AXIN1: variants seen among roughly 807,000 people sequenced by gnomAD.
The protein encoded by AXIN1 is axin-1.
AXIN1 carries 30 observed loss-of-function variants against 76.4 expected under a neutral mutation model. The ratio of observed to expected loss-of-function variants is 0.39; its 90% confidence interval spans 0.29 to 0.53. The LOEUF (loss-of-function observed/expected upper bound fraction) is 0.53. AXIN1 is among the 20% of genes least tolerant of loss of function. The pLI is 0.66. For synonymous variants in AXIN1, 545 were observed against 501.4 expected, an observed-to-expected ratio of 1.09 and a Z score of -1.16; for missense variants, 1,140 against 1,198.8, an observed-to-expected ratio of 0.95 and a Z score of 0.72.
chr16:307,326 G>A lies in AXIN1; in HGVS notation c.1116+2647C>T, dbSNP rs561160116. ...TTCTGAGAACAGCAAAACTGTCAGA[G>A]TCATCAGATTTACAGAGAATGGCAA... On this transcript the variant is annotated intron_variant, in intron 4 of 10. Coordinates refer to ENST00000262320, the MANE Select transcript of AXIN1 (RefSeq NM_003502.4). 2.0e-4 allele frequency among the ~76,000 whole-genome samples: 31 copies of A among 152,330 alleles called. 1 individual carries two copies. The South Asian group carries it at 6.4e-3, about 32-fold the overall frequency.
At chr16:335,177 A>G (rs541435274) in intron 2 of AXIN1, among the ~76,000 whole-genome samples, 3 of 152,288 alleles carry the variant, frequency 2.0e-5, no homozygotes, top group Non-Finnish European at 2.9e-5. Context: ...TATCTCCAAC[A>G]TAACTCCACA....
intron 7 of AXIN1, among the ~76,000 whole-genome samples, 200 bp downstream of exon 7, chr16:296,856 C>A (rs1226321841): frequency 1.3e-5 from 2 of 152,110 alleles, no homozygotes; most frequent in Non-Finnish European, 2.9e-5. Flanking sequence ...TCTCTGGGGA[C>A]ATGAGGTTTT....
chr16:298,372 G>A, intron 5 of AXIN1, 121 bp from the exon 6 acceptor site: 4 of 1,321,270 alleles, frequency 3.0e-6, no homozygotes, highest in East Asian at 2.5e-5. Context: ...GGGTGGCCGG[G>A]GGCCCCTCGC....
intron 3 of AXIN1, among the ~76,000 whole-genome samples, chr16:311,922 A>G (rs564877024): frequency 6.6e-6 from 1 of 152,314 alleles, no homozygotes; most frequent in East Asian, 1.9e-4. Flanking sequence ...CAGACACGGC[A>G]ACTCCTGAGG....
chr16:346,862 T>A lies in AXIN1; in HGVS notation c.164A>T (p.Glu55Val), dbSNP rs2141708094. Reference protein sequence around the residue: ...CSGKGVGIKGETSTATPRRSD... With the variant: ...CSGKGVGIKGVTSTATPRRSD... ...GCGCCTCGGAGTGGCCGTCGAAGTCTCACCTTTAATGCCAACACCTTTCCC... is the reference window on the plus strand; with the variant it reads ...GCGCCTCGGAGTGGCCGTCGAAGTCACACCTTTAATGCCAACACCTTTCCC... Residue 55 changes from glutamate (E) to valine (V), a missense_variant, in exon 2 of 11, where the codon GAG (glutamate) becomes GTG (valine). Transcript: ENST00000262320. The A allele has an allele frequency of 6.2e-7, 1 of 1,613,580 alleles. No individual in the cohort carries two copies. The highest frequency in any genetic ancestry group is 1.3e-5 in the African/African-American group (1 of 75,050).
At position 347,713 on chromosome 16, in the gene AXIN1, T is replaced by G. The variant is rs143998371; in HGVS notation, c.-81-607A>C. ...CGACACATGAGAACACACTGCAGGG[T>G]GTTCCTCCGACTCTCAACACACGCC... On this transcript the variant is annotated intron_variant, in intron 1 of 10. Coordinates refer to ENST00000262320, the MANE Select transcript of AXIN1 (RefSeq NM_003502.4). 3.6e-4 allele frequency among the ~76,000 whole-genome samples: 55 copies of G among 152,222 alleles called. No individual in the cohort carries two copies. The East Asian group carries it at 0.01, about 29-fold the overall frequency.
Position 352,369 on chromosome 16 carries a change from C to G in AXIN1, c.-82G>C. ...CGCCCCGGAGCCCGGCCCTACTCAC[C>G]CGCGCGCGGTGGTGGCGGGACCCCG... On this transcript the variant is annotated splice_region_variant and 5_prime_UTR_variant, in exon 1 of 11. Coordinates refer to ENST00000262320, the MANE Select transcript of AXIN1 (RefSeq NM_003502.4). The G allele has an allele frequency of 1.0e-6, 1 of 980,396 alleles. No individual in the cohort carries two copies. The allele number at this position is 980,396 out of a possible 1,614,324, so 60.7% of individuals were successfully genotyped here.
chr16:309,481 A>T (rs11859972), intron 4 of AXIN1, among the ~76,000 whole-genome samples: 7 of 152,226 alleles, frequency 4.6e-5, no homozygotes, highest in Admixed American at 4.6e-4. Context: ...CCAAGCCCCC[A>T]TGCCCGAGAC....
chr16:336,423 G>A (rs12445857), intron 2 of AXIN1, among the ~76,000 whole-genome samples: 10,153 of 152,268 alleles, frequency 0.067, 452 homozygotes, highest in Non-Finnish European at 0.1. Flanking sequence ...CAATTAATAT[G>A]TGTCAGCCCT....
chr16:345,053 G>A (rs2054006464), intron 2 of AXIN1, among the ~76,000 whole-genome samples: 1 of 150,824 alleles, frequency 6.6e-6, no homozygotes. Context: ...GGAAAGAGTG[G>A]GAAATGCATG....
At chr16:343,835 G>C (rs1017683917) in intron 2 of AXIN1, among the ~76,000 whole-genome samples, 2 of 150,258 alleles carry the variant, frequency 1.3e-5, no homozygotes, top group African/African-American at 4.9e-5. Flanking sequence ...GCGAAACGCT[G>C]TCTCTACCAC....
chr16:352,505 T>C lies in AXIN1; in HGVS notation c.-218A>G. On this transcript the variant is annotated 5_prime_UTR_variant, in exon 1 of 11. Coordinates refer to ENST00000262320, the MANE Select transcript of AXIN1 (RefSeq NM_003502.4). Reference sequence around the variant, plus strand: ...CCGGGGCGGCCCCCATCTCGGCGGCTGCGGCTCGGCGGCCCGGAGGCGGAC... The same window carrying C: ...CCGGGGCGGCCCCCATCTCGGCGGCCGCGGCTCGGCGGCCCGGAGGCGGAC... The C allele has an allele frequency of 1.2e-6, 1 of 841,646 alleles. No individual in the cohort carries two copies. Among genetic ancestry groups the C allele is most frequent in the Non-Finnish European group, 1.4e-6 (1 of 703,028 alleles). 52.1% of individuals were successfully genotyped at this position (841,646 alleles called of 1,614,324 possible).
intron 2 of AXIN1, among the ~76,000 whole-genome samples, chr16:343,779 T>C (rs1291284869): frequency 6.6e-6 from 1 of 151,114 alleles, no homozygotes; most frequent in Non-Finnish European, 1.5e-5. Context: ...TTTGGGAGGC[T>C]GAGATCACTG....
chr16:331,880 T>C (rs558503810), intron 2 of AXIN1, among the ~76,000 whole-genome samples: 9 of 152,212 alleles, frequency 5.9e-5, no homozygotes, highest in Non-Finnish European at 1.2e-4. Flanking sequence ...CCTCGGCCAC[T>C]AGTCTGACCC....
intron 2 of AXIN1, among the ~76,000 whole-genome samples, chr16:315,159 TGTGG>T (rs2053271784): frequency 6.6e-6 from 1 of 152,164 alleles, no homozygotes; most frequent in Non-Finnish European, 1.5e-5. Context: ...TGACAGTGTG[TGTGG>T]GTGGTGCCAC....
intron 2 of AXIN1, among the ~76,000 whole-genome samples, chr16:319,060 G>A (rs2053378735): frequency 6.6e-6 from 1 of 152,294 alleles, no homozygotes; most frequent in South Asian, 2.1e-4. Flanking sequence ...ACAGGAAAAC[G>A]TGCACAGCTC....
At chr16:319,908 C>A (rs1175414232) in intron 2 of AXIN1, among the ~76,000 whole-genome samples, 1 of 152,206 alleles carries the variant, frequency 6.6e-6, no homozygotes, top group African/African-American at 2.4e-5. Context: ...TGGTTTATCA[C>A]ATCTGCTCTA....
Position 289,664 on chromosome 16 carries a change from C to G in AXIN1, c.2295-57G>C, listed in dbSNP as rs573775008. 2.5e-6 allele frequency: 4 copies of G among 1,601,642 alleles called. No individual in the cohort carries two copies. In the Admixed American group the frequency reaches 5.1e-5, roughly 20 times the overall value. On this transcript the variant is annotated intron_variant, in intron 9 of 10. Transcript: ENST00000262320. ...TTTTGGACTGAGGTCCCACAGGGTC[C>G]CTCCTGCTGGCCTCAGGCTGCCAGT...
At chr16:326,466 G>C (rs377270288) in intron 2 of AXIN1, among the ~76,000 whole-genome samples, 7 of 150,382 alleles carry the variant, frequency 4.7e-5, no homozygotes, top group African/African-American at 7.3e-5. Flanking sequence ...ATGTGATTGA[G>C]AGCCGGACAC....
Sources: allele counts gnomAD v4.1 joint callset (sites outside exome capture counted in the v4.1 genomes callset), GRCh38; gene constraint gnomAD v4.1.1; transcripts MANE v1.5; gene names NCBI Gene and HGNC (gene_info 2026-07-23, HGNC 2026-07-21).